Variants in NCOR1 observed in about 807,000 individuals in gnomAD.
NCOR1 encodes the protein protein phosphatase 1, regulatory subunit 109.
NCOR1 carries 63 observed loss-of-function variants against 288.1 expected under a neutral mutation model. The ratio of observed to expected loss-of-function variants is 0.22; its 90% CI spans 0.18 to 0.27. The LOEUF is 0.27. Among genes scored for constraint, NCOR1 ranks in the 10% least tolerant of loss-of-function variants. NCOR1 has a pLI of 1.00. For synonymous variants in NCOR1, 1,007 were observed against 1,065.9 expected, an observed-to-expected ratio of 0.94 and a Z score of 1.08; for missense variants, 2,397 against 3,019.2, an observed-to-expected ratio of 0.79 and a Z score of 4.83.
At chr17:16,103,956 G>A (rs1458693091) in intron 19 of NCOR1, among the ~76,000 whole-genome samples, 1 of 152,230 alleles carries the variant, frequency 6.6e-6, no homozygotes, top group Non-Finnish European at 1.5e-5. Context: ...GTTGTGGTGA[G>A]CCGAGATCAT....
At chr17:16,185,316 C>T (rs1375341584) in intron 3 of NCOR1, among the ~76,000 whole-genome samples, 12 of 152,020 alleles carry the variant, frequency 7.9e-5, no homozygotes, top group Admixed American at 7.9e-4. Context: ...ATTTGCTTCA[C>T]CATAGTGACC....
Position 16,105,459 on chromosome 17 carries a change from T to A in NCOR1, c.2182+3327A>T, listed in dbSNP as rs527835214. On this transcript the variant is annotated intron_variant, in intron 19 of 45. Coordinates refer to ENST00000268712, the MANE Select transcript of NCOR1 (RefSeq NM_006311.4). Reference sequence around the variant, plus strand: ...AATGGAACAAAAAGAAGCAAGAGACTAATCAAAAAACTACTGCAATGAGGG... The same window carrying A: ...AATGGAACAAAAAGAAGCAAGAGACAAATCAAAAAACTACTGCAATGAGGG... Among the ~76,000 whole-genome samples the A allele has an allele frequency of 1.9e-4, 29 of 152,080 alleles. No individual in the cohort carries two copies. In the South Asian group the frequency reaches 6.0e-3, roughly 32 times the overall value.
intron 30 of NCOR1, among the ~76,000 whole-genome samples, chr17:16,070,748 G>A (rs1307690882): frequency 6.6e-6 from 1 of 152,166 alleles, no homozygotes; most frequent in African/African-American, 2.4e-5. Context: ...AAGTACACAA[G>A]GCCAGGCATG....
Position 16,101,391 on chromosome 17 carries a change from C to T in NCOR1, c.2549G>A (p.Ser850Asn), listed in dbSNP as rs142766102. 21 of 1,614,254 alleles carry T rather than the reference C, an allele frequency of 1.3e-5. No individual in the cohort carries two copies. In the African/African-American group the frequency reaches 1.7e-4, roughly 13 times the overall value. ...NTKERDLDRA[S>N]EKVEPRDEDL... ...TTCATCTCTAGGTTCCACCTTCTCA[C>T]TGGCTCTATCCAAGTCTCTTTCTTT... is the stretch of plus-strand genomic sequence containing the variant. The change falls in exon 20 of 46, where the codon AGT (serine) becomes AAT (asparagine). Residue 850 changes from serine (S) to asparagine (N), a missense_variant. By Grantham distance (46) the Ser-to-Asn change is conservative (BLOSUM62 1). This residue lies in a region of NCOR1 where 1,872 missense variants were observed against 2,187.8 expected (regional missense o/e 0.86). Coordinates refer to ENST00000268712, the MANE Select transcript of NCOR1 (RefSeq NM_006311.4).
chr17:16,082,214 G>A (rs1208701162), intron 23 of NCOR1, among the ~76,000 whole-genome samples: 1 of 151,758 alleles, frequency 6.6e-6, no homozygotes, highest in Non-Finnish European at 1.5e-5. Flanking sequence ...TGGGGGTGGG[G>A]GGGATCCAAG....
At chr17:16,161,002 A>G (rs981538938) in intron 5 of NCOR1, among the ~76,000 whole-genome samples, 2 of 152,154 alleles carry the variant, frequency 1.3e-5, no homozygotes, top group Non-Finnish European at 2.9e-5. Flanking sequence ...CTTTGGAATT[A>G]TAAGTACTCT....
intron 42 of NCOR1, among the ~76,000 whole-genome samples, chr17:16,042,435 G>T (rs922743203): frequency 6.6e-6 from 1 of 152,164 alleles, no homozygotes; most frequent in African/African-American, 2.4e-5. Flanking sequence ...TGCACTTGCA[G>T]GATAACCCTT....
chr17:16,213,303 T>C (rs1245971291), intron 1 of NCOR1, among the ~76,000 whole-genome samples: 1 of 151,298 alleles, frequency 6.6e-6, no homozygotes, highest in African/African-American at 2.4e-5. Flanking sequence ...CCATCCTGGC[T>C]AACACGGTGA....
At chr17:16,146,659 G>T in intron 9 of NCOR1, 111 bp from the exon 10 acceptor site, 1 of 983,832 alleles carries the variant, frequency 1.0e-6, no homozygotes. Flanking sequence ...AAGTACATTT[G>T]GCTTATGACT....
chr17:16,160,636 C>A (rs957051293), intron 5 of NCOR1, among the ~76,000 whole-genome samples: 1 of 152,172 alleles, frequency 6.6e-6, no homozygotes, highest in Non-Finnish European at 1.5e-5. Context: ...ATTAAAGATA[C>A]AAAAAATTAG....
At chr17:16,115,564 A>G (rs373483992) in intron 18 of NCOR1, among the ~76,000 whole-genome samples, 2 of 152,316 alleles carry the variant, frequency 1.3e-5, no homozygotes, top group East Asian at 3.9e-4. Context: ...CTTCCGCCAG[A>G]TAACCTAAAT....
rs2067617968 is a variant in NCOR1 at position 16,101,449 on chromosome 17, T to C, written c.2491A>G (p.Asn831Asp). 2 of 1,614,044 alleles carry C rather than the reference T, an allele frequency of 1.2e-6. No individual in the cohort carries two copies. The highest frequency in any genetic ancestry group is 1.3e-5 in the African/African-American group (1 of 74,906). Reference sequence around the variant, plus strand: ...TCACCTTCAACTTTAGATGCATGGTTTTCTGGCACCCTCACTTCAACGTCC... The same window carrying C: ...TCACCTTCAACTTTAGATGCATGGTCTTCTGGCACCCTCACTTCAACGTCC... ...SVDVEVRVPENHASKVEGDNT... is the reference protein window; with the variant it reads ...SVDVEVRVPEDHASKVEGDNT... The change falls in exon 20 of 46, where the codon AAC becomes GAC. Residue 831 changes from asparagine to aspartate, a missense_variant. Around this residue, in one of 11 missense-constraint regions of NCOR1, gnomAD observed 1,872 missense variants for 2,187.8 expected, o/e 0.86. Transcript: ENST00000268712.
chr17:16,204,768 C>T (rs551145999), intron 1 of NCOR1, among the ~76,000 whole-genome samples: 439 of 152,294 alleles, frequency 2.9e-3, no homozygotes, highest in Non-Finnish European at 4.9e-3. Flanking sequence ...ATGCCTAATG[C>T]TATTTACATT....
intron 18 of NCOR1, among the ~76,000 whole-genome samples, chr17:16,110,037 C>T (rs1005867446): frequency 2.6e-5 from 4 of 152,120 alleles, no homozygotes; most frequent in Non-Finnish European, 5.9e-5. Flanking sequence ...CAGCCAATAC[C>T]ACTCAATTTC....
At chr17:16,059,236 G>A (rs1393423525) in intron 37 of NCOR1, among the ~76,000 whole-genome samples, 2 of 151,126 alleles carry the variant, frequency 1.3e-5, no homozygotes, top group Non-Finnish European at 3.0e-5. Context: ...TGATTCCAAT[G>A]ATTCCAATTC....
At position 16,215,492 on chromosome 17, in the gene NCOR1, C is replaced by CGCCGCGGCT; in HGVS notation, c.-210_-202dup. 2.5e-6 allele frequency: 1 copy of CGCCGCGGCT among 398,690 alleles called. No homozygotes were observed. The highest frequency in any genetic ancestry group is 4.4e-6 in the Non-Finnish European group (1 of 226,240). 24.7% of individuals were successfully genotyped at this position (398,690 alleles called of 1,614,324 possible). A position where few individuals can be genotyped will look rare whatever the true frequency, so the allele number is the denominator to read the frequency against. On this transcript the variant is annotated 5_prime_UTR_variant, in exon 1 of 46. Transcript: ENST00000268712. ...GGACGCTCACTCCAGCCGCCGCCGC[C>CGCCGCGGCT]GCCGCGGCTGCTGCTTCGCCACCTT...
At chr17:16,146,167 G>A (rs573256690) in intron 10 of NCOR1, among the ~76,000 whole-genome samples, 5 of 152,102 alleles carry the variant, frequency 3.3e-5, no homozygotes, top group South Asian at 2.1e-4. Context: ...GCAGAAGGCC[G>A]CAGGGTCCTC....
At chr17:16,202,623 AC>A in intron 1 of NCOR1, among the ~76,000 whole-genome samples, 1 of 152,280 alleles carries the variant, frequency 6.6e-6, no homozygotes, top group Admixed American at 6.5e-5. Flanking sequence ...GTGTACTAAG[AC>A]TTGGTGTGTG....
At chr17:16,099,176 TC>T (rs2067167743) in intron 20 of NCOR1, among the ~76,000 whole-genome samples, 1 of 152,232 alleles carries the variant, frequency 6.6e-6, no homozygotes, top group Admixed American at 6.5e-5. Flanking sequence ...GAGCACACAC[TC>T]CTCTGCTCAC....
Sources: allele counts gnomAD v4.1 joint callset (sites outside exome capture counted in the v4.1 genomes callset), GRCh38; gene constraint gnomAD v4.1.1; regional missense constraint gnomAD v4.1.1; transcripts MANE v1.5; gene names NCBI Gene and HGNC (gene_info 2026-07-23, HGNC 2026-07-21).